DPP10: variants seen among roughly 807,000 people sequenced by gnomAD.
DPP10 encodes dipeptidyl peptidase like 10.
DPP10 carries 33 observed loss-of-function variants against 120.9 expected under a neutral mutation model. That is an observed-to-expected ratio of 0.27 (90% CI 0.21 to 0.37). The LOEUF is 0.37. DPP10 is among the 10% of genes least tolerant of loss of function. The pLI is 1.00. For missense variants in DPP10, 816 were observed against 942.8 expected, an observed-to-expected ratio of 0.87 and a Z score of 1.76; for synonymous variants, 337 against 326.1, an observed-to-expected ratio of 1.03 and a Z score of -0.36.
chr2:115,155,128 G>A (rs1040602700), intron 1 of DPP10, among the ~76,000 whole-genome samples: 19 of 151,512 alleles, frequency 1.3e-4, no homozygotes, highest in African/African-American at 3.2e-4. Context: ...GCTTGGTCTC[G>A]AACTCCTGAC....
chr2:114,738,367 T>C (rs1219976742), intron 1 of DPP10, among the ~76,000 whole-genome samples: 1 of 152,238 alleles, frequency 6.6e-6, no homozygotes, highest in Non-Finnish European at 1.5e-5. Context: ...TCAGGGAGCC[T>C]GAGTGCACTT....
At chr2:114,805,555 C>G (rs769653537) in intron 1 of DPP10, among the ~76,000 whole-genome samples, 4 of 152,188 alleles carry the variant, frequency 2.6e-5, no homozygotes, top group Non-Finnish European at 5.9e-5. Context: ...TTAACGCTAG[C>G]CCTTCTCTCA....
chr2:114,549,707 A>G (rs1443618803), intron 1 of DPP10, among the ~76,000 whole-genome samples: 2 of 151,546 alleles, frequency 1.3e-5, no homozygotes, highest in Middle Eastern at 3.2e-3. Flanking sequence ...ATAAATAAAA[A>G]AGAAAACATG....
At chr2:114,937,809 G>C (rs751808428) in intron 1 of DPP10, among the ~76,000 whole-genome samples, 1 of 152,114 alleles carries the variant, frequency 6.6e-6, no homozygotes. Context: ...GGAGACCTCT[G>C]CCATATTTTC....
At chr2:115,215,461 T>C (rs2056764052) in intron 1 of DPP10, among the ~76,000 whole-genome samples, 1 of 152,216 alleles carries the variant, frequency 6.6e-6, no homozygotes. Context: ...AGGCCACATG[T>C]CTAGTATTAA....
intron 1 of DPP10, among the ~76,000 whole-genome samples, chr2:115,085,635 A>G (rs1171498213): frequency 6.6e-6 from 1 of 152,192 alleles, no homozygotes; most frequent in South Asian, 2.1e-4. Context: ...ACATGTTAGG[A>G]AATCTCAAAG....
chr2:115,830,899 A>G (rs1393276103), intron 21 of DPP10, among the ~76,000 whole-genome samples: 1 of 152,138 alleles, frequency 6.6e-6, no homozygotes, highest in Non-Finnish European at 1.5e-5. Context: ...TTTGTTATGT[A>G]AAGTTTTGTA....
intron 1 of DPP10, among the ~76,000 whole-genome samples, chr2:115,178,960 C>G (rs1204591506): frequency 2.0e-5 from 3 of 152,138 alleles, no homozygotes; most frequent in South Asian, 2.1e-4. Context: ...GAAGCCAAAC[C>G]ATCATAATCG....
chr2:115,621,090 A>G (rs4849414), intron 5 of DPP10, among the ~76,000 whole-genome samples: 150,361 of 152,282 alleles, frequency 0.99, 74,266 homozygotes, highest in East Asian at 1. Flanking sequence ...AATTCTTTCC[A>G]TACTTACATG....
chr2:115,008,134 A>G (rs1701990492), intron 1 of DPP10, among the ~76,000 whole-genome samples: 3 of 136,132 alleles, frequency 2.2e-5, no homozygotes, highest in South Asian at 5.2e-4. Flanking sequence ...ATCCTAAGCC[A>G]AAAGAACAAA....
rs140429776 is a variant in DPP10, at chr2:114,589,092, T to C, written c.60+146254T>C. On this transcript the variant is annotated intron_variant, in intron 1 of 25. Coordinates refer to ENST00000410059, the MANE Select transcript of DPP10 (RefSeq NM_020868.6). ...TAAAAACTGGAAATAAACAAGATTT[T>C]ATTGTAGCACCTTACTAGTGAGCAT... is the stretch of plus-strand genomic sequence containing the variant. Among the ~76,000 whole-genome samples, 1,491 of 152,094 alleles carry C rather than the reference T, an allele frequency of 9.8e-3. 26 individuals are homozygous for C. Among genetic ancestry groups the C allele is most frequent in the African/African-American group, 0.033 (1,362 of 41,448 alleles).
At chr2:114,449,507 G>A (rs1169995450) in intron 1 of DPP10, among the ~76,000 whole-genome samples, 1 of 149,114 alleles carries the variant, frequency 6.7e-6, no homozygotes, top group Admixed American at 6.7e-5. Context: ...GGGAAGAAAA[G>A]TAAAATGCAT....
chr2:115,168,755 T>A (rs1021880636), intron 1 of DPP10, among the ~76,000 whole-genome samples: 1 of 152,172 alleles, frequency 6.6e-6, no homozygotes, highest in Non-Finnish European at 1.5e-5. Context: ...GTGGGGAGAC[T>A]GGGGCACTGA....
At chr2:115,840,136 G>A (rs1260919021) in intron 24 of DPP10, among the ~76,000 whole-genome samples, 6 of 151,350 alleles carry the variant, frequency 4.0e-5, no homozygotes, top group South Asian at 2.1e-4. Context: ...ATAAAAATAT[G>A]TGTACCATTA....
At chr2:114,611,059 A>C (rs544696456) in intron 1 of DPP10, among the ~76,000 whole-genome samples, 2 of 152,006 alleles carry the variant, frequency 1.3e-5, no homozygotes, top group Non-Finnish European at 2.9e-5. Context: ...CTGTCCCAGC[A>C]CTCGCTACCT....
At chr2:115,600,489 C>G (rs202039232) in intron 5 of DPP10, among the ~76,000 whole-genome samples, 4 of 152,140 alleles carry the variant, frequency 2.6e-5, no homozygotes, top group African/African-American at 9.7e-5. Context: ...CTTAATTAAA[C>G]GTGTTAGCTG....
At chr2:114,549,917 G>T (rs1415647829) in intron 1 of DPP10, among the ~76,000 whole-genome samples, 2 of 152,054 alleles carry the variant, frequency 1.3e-5, no homozygotes, top group Admixed American at 1.3e-4. Flanking sequence ...GGGTGACGTG[G>T]GGCTGGAAGA....
intron 1 of DPP10, among the ~76,000 whole-genome samples, chr2:114,737,330 G>A (rs1677539665): frequency 6.6e-6 from 1 of 152,150 alleles, no homozygotes; most frequent in Non-Finnish European, 1.5e-5. Flanking sequence ...AAGAATGCGT[G>A]CAGGTGCCTC....
intron 1 of DPP10, among the ~76,000 whole-genome samples, chr2:114,677,309 A>C (rs1698735817): frequency 6.6e-6 from 1 of 152,092 alleles, no homozygotes; most frequent in Non-Finnish European, 1.5e-5. Flanking sequence ...TAGCACCTCC[A>C]CCCATACTCA....
Sources: allele counts gnomAD v4.1 joint callset (sites outside exome capture counted in the v4.1 genomes callset), GRCh38; gene constraint gnomAD v4.1.1; transcripts MANE v1.5; gene names NCBI Gene and HGNC (gene_info 2026-07-23, HGNC 2026-07-21).